Variants in CHD9 observed in about 807,000 individuals in gnomAD.
CHD9 encodes chromodomain helicase DNA binding protein 9.
In CHD9, 77 loss-of-function variants were observed where a neutral mutation model predicts 316.1. That is an observed-to-expected ratio of 0.24 (90% CI 0.20 to 0.29). CHD9 has a LOEUF of 0.29. Ranked by LOEUF, CHD9 falls within the 10% of genes least tolerant of loss-of-function variation. The pLI is 1.00. For synonymous variants in CHD9, 1,129 were observed against 1,158.3 expected (o/e 0.97, Z 0.51); for missense variants, 2,763 against 3,438.1 (o/e 0.80, Z 4.91).
chr16:53,234,003 T>C (rs1319705875), intron 10 of CHD9, among the ~76,000 whole-genome samples: 1 of 152,208 alleles, frequency 6.6e-6, no homozygotes. Context: ...AGAAAATTTA[T>C]GTCTTATATA....
intron 19 of CHD9, among the ~76,000 whole-genome samples, chr16:53,262,472 T>G (rs939145876): frequency 6.6e-6 from 1 of 152,178 alleles, no homozygotes; most frequent in Non-Finnish European, 1.5e-5. Context: ...GAGTTTCTTT[T>G]TTGTGTGTGT....
At chr16:53,108,886 C>A (rs560027145) in intron 1 of CHD9, among the ~76,000 whole-genome samples, 1 of 150,866 alleles carries the variant, frequency 6.6e-6, no homozygotes, top group South Asian at 2.1e-4. Flanking sequence ...AAGAGCAAAA[C>A]TGTTTCAAAA....
intron 24 of CHD9, among the ~76,000 whole-genome samples, chr16:53,282,977 G>A (rs1418327030): frequency 6.6e-6 from 1 of 152,066 alleles, no homozygotes; most frequent in Non-Finnish European, 1.5e-5. Flanking sequence ...CTATGCTTAT[G>A]TCTTCCAAAT....
chr16:53,187,198 T>C (rs2044091761), intron 2 of CHD9, among the ~76,000 whole-genome samples: 1 of 152,120 alleles, frequency 6.6e-6, no homozygotes, highest in Non-Finnish European at 1.5e-5. Context: ...TGAGACAAGA[T>C]AATTCAAGAA....
At chr16:53,175,623 A>G (rs1435991739) in intron 2 of CHD9, among the ~76,000 whole-genome samples, 1 of 152,192 alleles carries the variant, frequency 6.6e-6, no homozygotes, top group Non-Finnish European at 1.5e-5. Flanking sequence ...TGACAGTATG[A>G]TAAGCATCTT....
At chr16:53,162,706 G>A (rs2041997693) in intron 2 of CHD9, among the ~76,000 whole-genome samples, 1 of 151,382 alleles carries the variant, frequency 6.6e-6, no homozygotes, top group Non-Finnish European at 1.5e-5. Flanking sequence ...TTTTCCTGAA[G>A]ATAGAGAAAT....
intron 1 of CHD9, among the ~76,000 whole-genome samples, chr16:53,139,826 A>G (rs1463807427): frequency 2.0e-5 from 3 of 152,124 alleles, no homozygotes; most frequent in African/African-American, 7.2e-5. Context: ...TAGCTGATAC[A>G]GTGGCTCACA....
chr16:53,241,270 C>T (rs982589757), intron 12 of CHD9, among the ~76,000 whole-genome samples: 1 of 152,184 alleles, frequency 6.6e-6, no homozygotes, highest in African/African-American at 2.4e-5. Flanking sequence ...TCATCCTGTC[C>T]TACATCACCA....
At chr16:53,170,201 G>C (rs1462108648) in intron 2 of CHD9, among the ~76,000 whole-genome samples, 1 of 151,630 alleles carries the variant, frequency 6.6e-6, no homozygotes, top group Non-Finnish European at 1.5e-5. Context: ...TAATCACGGG[G>C]ATTTTTATAT....
At chr16:53,092,797 G>C (rs1211547102) in intron 1 of CHD9, among the ~76,000 whole-genome samples, 3 of 149,756 alleles carry the variant, frequency 2.0e-5, no homozygotes, top group Non-Finnish European at 4.5e-5. Context: ...TATTTATTTA[G>C]AGAAAGGATC....
At chr16:53,145,702 A>G (rs988092508) in intron 1 of CHD9, among the ~76,000 whole-genome samples, 3 of 151,732 alleles carry the variant, frequency 2.0e-5, no homozygotes, top group African/African-American at 4.8e-5. Context: ...GCAAAACTCC[A>G]TCTCAAAAAA....
chr16:53,157,622 T>G (rs1407189959), intron 2 of CHD9, 81 bp downstream of exon 2: 1 of 1,318,360 alleles, frequency 7.6e-7, no homozygotes, highest in African/African-American at 1.5e-5. Flanking sequence ...ATATGAAACA[T>G]AGTCAAGATT....
At position 53,274,314 on chromosome 16, in the gene CHD9, A is replaced by G. The variant is rs1403797866; in HGVS notation, c.4967+12A>G. On this transcript the variant is annotated intron_variant, in intron 24 of 38. Transcript: ENST00000447540. ...GGAGTTGATGCAAGGTAAGTTAAACAATTTTTATTATTTTTGTTTGTTTGT... is the reference window on the plus strand; with the variant it reads ...GGAGTTGATGCAAGGTAAGTTAAACGATTTTTATTATTTTTGTTTGTTTGT... 7.9e-6 allele frequency: 12 copies of G among 1,509,686 alleles called. No homozygotes were observed. Among genetic ancestry groups the G allele is most frequent in the Non-Finnish European group, 1.1e-5 (12 of 1,112,088 alleles). 93.5% of individuals were successfully genotyped at this position (1,509,686 alleles called of 1,614,324 possible). A position where few individuals can be genotyped will look rare whatever the true frequency, so the allele number is the denominator to read the frequency against.
chr16:53,215,080 T>G (rs1203956060), intron 3 of CHD9, among the ~76,000 whole-genome samples: 1 of 152,070 alleles, frequency 6.6e-6, no homozygotes, highest in Non-Finnish European at 1.5e-5. Flanking sequence ...GCCCGGCTAA[T>G]TTTTTGTATT....
intron 29 of CHD9, among the ~76,000 whole-genome samples, chr16:53,295,129 AT>A (rs530966742): frequency 4.6e-5 from 7 of 151,610 alleles, no homozygotes; most frequent in African/African-American, 1.7e-4. Context: ...TCCTCTAATA[AT>A]TTTTTTTCTT....
chr16:53,262,016 A>C (rs756409973), intron 19 of CHD9, among the ~76,000 whole-genome samples: 1 of 152,104 alleles, frequency 6.6e-6, no homozygotes, highest in Non-Finnish European at 1.5e-5. Flanking sequence ...GGATCTTTTA[A>C]ATTTTATCAA....
At chr16:53,102,965 C>T (rs1182153143) in intron 1 of CHD9, among the ~76,000 whole-genome samples, 1 of 151,946 alleles carries the variant, frequency 6.6e-6, no homozygotes, top group Non-Finnish European at 1.5e-5. Context: ...CCTGCCTCAG[C>T]CTCCTGAGTA....
At chr16:53,085,246 T>A (rs555641922) in intron 1 of CHD9, among the ~76,000 whole-genome samples, 1 of 152,056 alleles carries the variant, frequency 6.6e-6, no homozygotes, top group South Asian at 2.1e-4. Context: ...TTTTTTTTTT[T>A]TTTATTTTTT....
chr16:53,297,213 A>C, intron 30 of CHD9, 55 bp downstream of exon 30: 1 of 1,310,074 alleles, frequency 7.6e-7, no homozygotes, highest in Non-Finnish European at 1.1e-6. Context: ...AAATCACTAA[A>C]ATTCGGAAAT....
Sources: gnomAD v4.1 joint callset for allele counts (sites outside exome capture counted in the v4.1 genomes callset) on GRCh38, gnomAD v4.1.1 for gene constraint, MANE v1.5 for transcripts, NCBI Gene and HGNC (gene_info 2026-07-23, HGNC 2026-07-21) for gene names.